TEP1: variants seen among roughly 807,000 people sequenced by gnomAD.
TEP1 encodes telomerase protein component 1.
TEP1 carries 241 observed loss-of-function variants against 306.3 expected under a neutral mutation model. The ratio of observed to expected loss-of-function variants is 0.79; its 90% CI spans 0.71 to 0.88. The LOEUF (loss-of-function observed/expected upper bound fraction) is 0.88. Among genes scored for constraint, TEP1 ranks in the 40% least tolerant of loss-of-function variants. The pLI is 0.00. For synonymous variants in TEP1, 1,289 were observed against 1,305.5 expected, an observed-to-expected ratio of 0.99 and a Z score of 0.27; for missense variants, 3,051 against 3,276.1, an observed-to-expected ratio of 0.93 and a Z score of 1.68.
chr14:20,386,256 G>C, intron 19 of TEP1, 61 bp from the exon 20 acceptor site: 1 of 1,608,848 alleles, frequency 6.2e-7, no homozygotes, highest in Non-Finnish European at 8.5e-7. Flanking sequence ...AGGGAACATA[G>C]GCACAAACAG....
intron 15 of TEP1, 128 bp downstream of exon 15, chr14:20,390,553 G>A (rs537618990): frequency 2.4e-6 from 2 of 842,520 alleles, no homozygotes; most frequent in African/African-American, 3.4e-5. Flanking sequence ...GGGGGTTGTA[G>A]CCAGTAGAGC....
In TEP1 at chr14:20,383,804, G is replaced by A. The variant is rs148140542; in HGVS notation, c.3649C>T (p.Arg1217Cys). Reference sequence around the variant, plus strand: ...TGGCCACGCAGATAGGTACAGAGGCGTCTGAGCAGAGTGAGGGCAAGACCC... The same window carrying A: ...TGGCCACGCAGATAGGTACAGAGGCATCTGAGCAGAGTGAGGGCAAGACCC... ...DQGLALTLLRRLCTYLRGQLK... is the reference protein window; with the variant it reads ...DQGLALTLLRCLCTYLRGQLK... Residue 1217 changes from arginine to cysteine, a missense_variant, in exon 25 of 55, where the codon CGC becomes TGC. Around this residue, in one of 3 missense-constraint regions of TEP1, gnomAD observed 1,507 missense variants for 1,550.5 expected, o/e 0.97. Transcript: ENST00000262715. 581 of 1,610,238 alleles carry A rather than the reference G, an allele frequency of 3.6e-4. 1 individual carries two copies. In the Middle Eastern group the frequency reaches 4.0e-3, roughly 11 times the overall value.
chr14:20,378,850 C>T lies in TEP1; in HGVS notation c.5256G>A (p.Val1752=), dbSNP rs959325876. The change falls in exon 37 of 55, where the codon GTG becomes GTA. Residue 1752 remains valine, a synonymous_variant. Transcript: ENST00000262715. The part of the protein sequence containing the change: ...ELWDLQHGCR[V]LQTKAHQYQI... ...GGTACTGGTGAGCCTTAGTCTGCAG[C>T]ACCCTATCCCAGGAAGATGAAGTCA... 6.2e-7 allele frequency: 1 copy of T among 1,614,212 alleles called. No individual in the cohort carries two copies.
chr14:20,373,848 G>A, intron 44 of TEP1, 38 bp from the exon 45 acceptor site: 1 of 1,600,094 alleles, frequency 6.2e-7, no homozygotes. Flanking sequence ...GAGTCATATT[G>A]AGCAGGACAT....
intron 1 of TEP1, among the ~76,000 whole-genome samples, chr14:20,409,791 C>T (rs1057351034): frequency 5.9e-5 from 9 of 151,876 alleles, no homozygotes; most frequent in Admixed American, 2.0e-4. Context: ...GAGGCCGAGG[C>T]GGGCGGATCA....
rs1351843627 is a variant in TEP1 at position 20,395,262 on chromosome 14, C to T, written c.1928+188G>A. On this transcript the variant is annotated intron_variant, in intron 12 of 54. Coordinates refer to ENST00000262715, the MANE Select transcript of TEP1 (RefSeq NM_007110.5). The stretch of plus-strand genomic sequence containing the variant: ...GGAGGTCCAGGAGTAGACTTTGTTT[C>T]ATGATCTCTCTTTAGGACAATGTTA... 2.0e-5 allele frequency among the ~76,000 whole-genome samples: 3 copies of T among 152,216 alleles called. No individual in the cohort carries two copies. The East Asian group carries it at 5.8e-4, about 29-fold the overall frequency.
At position 20,386,521 on chromosome 14, in the gene TEP1, C is replaced by G. The variant is rs956991253; in HGVS notation, c.2787G>C (p.Ala929=). Residue 929 remains alanine (A), a synonymous_variant, in exon 19 of 55, where the codon GCG becomes GCC. Transcript: ENST00000262715. The part of the protein sequence containing the change: ...RSVLPALQAR[A]APHRISLHGI... ...CGTGAAGGCTGATACGGTGAGGGGC[C>G]GCTCGGGCCTGCAGTGCTGGCAGCA... 1 of 1,613,012 alleles carries G rather than the reference C, an allele frequency of 6.2e-7. No homozygotes were observed.
chr14:20,389,619 ACC>A lies in TEP1; in HGVS notation c.2454_2455del (p.Arg818SerfsTer12), dbSNP rs1224795689. 6.2e-7 allele frequency: 1 copy of A among 1,614,158 alleles called. No individual in the cohort carries two copies. Among genetic ancestry groups the A allele is most frequent in the Non-Finnish European group, 8.5e-7 (1 of 1,180,004 alleles). On this transcript the variant is annotated frameshift_variant, in exon 16 of 55. Transcript: ENST00000262715. LOFTEE classifies it high-confidence loss of function. ...GTATAAGCACCCTTACAGGTATTGT[ACC>A]CTTCTTAGGAGGATACCAACAAAGA...
rs183502043 is a variant in TEP1, at chr14:20,369,538, A to G, written c.7462T>C (p.Trp2488Arg). ...TCTGGGCTGCATTTGGCCAGGTTCC[A>G]TAGGATCCCATCAGAGCTGGCACAC... ...FLCASSDGIL[W>R]NLAKCSPEGE... Residue 2488 changes from tryptophan (W) to arginine (R), a missense_variant, in exon 53 of 55, where the codon TGG (tryptophan) becomes CGG (arginine). By Grantham distance (101) the Trp-to-Arg change is moderately radical. Around this residue, in one of 3 missense-constraint regions of TEP1, gnomAD observed 1,540 missense variants for 1,705.9 expected, o/e 0.90. Transcript: ENST00000262715. 103 of 1,614,090 alleles carry G rather than the reference A, an allele frequency of 6.4e-5. No individual in the cohort carries two copies. The highest frequency in any genetic ancestry group is 4.5e-4 in the Admixed American group (27 of 60,002).
At chr14:20,387,213 C>A (rs1009923947) in intron 18 of TEP1, among the ~76,000 whole-genome samples, 1 of 146,928 alleles carries the variant, frequency 6.8e-6, no homozygotes, top group Non-Finnish European at 1.5e-5. Flanking sequence ...GGATTACAGG[C>A]GTGAGCCACG....
rs778862459 is a variant in TEP1, at chr14:20,371,474, C to G, written c.7220+15G>C. 6.2e-7 allele frequency: 1 copy of G among 1,609,826 alleles called. No homozygotes were observed. Among genetic ancestry groups the G allele is most frequent in the South Asian group, 1.1e-5 (1 of 90,034 alleles). ...TTTTCCCCAGCTCAGGAGGAAATGG[C>G]ATTTTGGATCTTACCAGATTTCAGA... On this transcript the variant is annotated intron_variant, in intron 50 of 54. Transcript: ENST00000262715.
At chr14:20,397,600 C>T (rs7143219) in intron 9 of TEP1, among the ~76,000 whole-genome samples, 65,310 of 152,050 alleles carry the variant, frequency 0.43, 14,253 homozygotes, top group Non-Finnish European at 0.45. Context: ...GTAAGCTTCT[C>T]ACCCAATTTC....
chr14:20,378,661 GA>G, intron 37 of TEP1, 92 bp downstream of exon 37: 1 of 1,578,498 alleles, frequency 6.3e-7, no homozygotes, highest in Middle Eastern at 1.8e-4. Flanking sequence ...TCTGGCCAGG[GA>G]GTCAGCAGCC....
Position 20,377,631 on chromosome 14 carries a change from C to T in TEP1, c.5844G>A (p.Ala1948=), listed in dbSNP as rs763182650. 2.4e-5 allele frequency: 38 copies of T among 1,614,110 alleles called. No individual in the cohort carries two copies. Among genetic ancestry groups the T allele is most frequent in the East Asian group, 8.9e-5 (4 of 44,874 alleles). The change falls in exon 40 of 55, where the codon GCG becomes GCA. Residue 1948 remains alanine, a synonymous_variant. Coordinates refer to ENST00000262715, the MANE Select transcript of TEP1 (RefSeq NM_007110.5). The part of the protein sequence containing the change: ...DGDRVAVGYR[A]DGIRIYKISS... ...AGATTTTGTAGATCCTAATGCCATC[C>T]GCTCGATATCCAACAGCCACCCGAT... is the stretch of plus-strand genomic sequence containing the variant.
chr14:20,372,376 G>GTA (rs1313981798), intron 49 of TEP1, among the ~76,000 whole-genome samples: 11 of 86,548 alleles, frequency 1.3e-4, no homozygotes, highest in Admixed American at 9.6e-4. Context: ...GTGTGTGTGT[G>GTA]TGTATGTGTG....
chr14:20,402,826 C>G (rs991168117), intron 7 of TEP1, among the ~76,000 whole-genome samples: 1 of 152,160 alleles, frequency 6.6e-6, no homozygotes, highest in African/African-American at 2.4e-5. Context: ...ATGTTTTTAA[C>G]TCACTTATCC....
chr14:20,386,286 G>A (rs776932809), intron 19 of TEP1, 91 bp from the exon 20 acceptor site: 106 of 1,597,294 alleles, frequency 6.6e-5, no homozygotes, highest in Admixed American at 9.0e-5. Context: ...GCCCTGACTC[G>A]CAACTGAGTA....
At chr14:20,395,997 T>C (rs773671482) in intron 10 of TEP1, 48 bp from the exon 11 acceptor site, 18 of 1,497,980 alleles carry the variant, frequency 1.2e-5, no homozygotes, top group Non-Finnish European at 1.6e-5. Context: ...GCCGGGAGTA[T>C]GGGGGGCTTC....
chr14:20,389,004 C>T (rs529308451), intron 17 of TEP1, among the ~76,000 whole-genome samples: 110 of 152,096 alleles, frequency 7.2e-4, no homozygotes, highest in African/African-American at 2.5e-3. Context: ...AAAAATTAGC[C>T]GGGCATGGTG....
Sources: gnomAD v4.1 joint callset for allele counts (sites outside exome capture counted in the v4.1 genomes callset) on GRCh38, gnomAD v4.1.1 for gene constraint, gnomAD v4.1.1 regional missense constraint, MANE v1.5 for transcripts, NCBI Gene and HGNC (gene_info 2026-07-23, HGNC 2026-07-21) for gene names.